PPM1G: variants seen among roughly 807,000 people sequenced by gnomAD.
PPM1G encodes protein phosphatase, Mg2+/Mn2+ dependent 1G.
In PPM1G, 12 loss-of-function variants were observed where a neutral mutation model predicts 59.4. That is an observed-to-expected ratio of 0.20 (90% CI 0.13 to 0.33). The LOEUF is 0.33. PPM1G is among the 10% of genes least tolerant of loss of function. PPM1G has a pLI of 1.00. For synonymous variants in PPM1G, 245 were observed against 251.9 expected, an observed-to-expected ratio of 0.97 and a Z score of 0.26; for missense variants, 392 against 681.3, an observed-to-expected ratio of 0.58 and a Z score of 4.73.
chr2:27,396,670 C>T (rs1024568851), intron 1 of PPM1G, among the ~76,000 whole-genome samples: 2 of 151,822 alleles, frequency 1.3e-5, no homozygotes, highest in Admixed American at 1.3e-4. Context: ...CAAAAATTAA[C>T]TGGGCATGGT....
At chr2:27,388,792 G>A (rs781661104) in intron 1 of PPM1G, among the ~76,000 whole-genome samples, 4 of 150,992 alleles carry the variant, frequency 2.6e-5, no homozygotes, top group South Asian at 2.1e-4. Flanking sequence ...GGAGAATGGC[G>A]TGAACCCAGG....
At chr2:27,395,712 G>A (rs1224632079) in intron 1 of PPM1G, among the ~76,000 whole-genome samples, 2 of 151,836 alleles carry the variant, frequency 1.3e-5, no homozygotes, top group Non-Finnish European at 2.9e-5. Flanking sequence ...ACAAGTGGTG[G>A]TGCACACCTG....
At chr2:27,395,082 T>A (rs2148423760) in intron 1 of PPM1G, among the ~76,000 whole-genome samples, 1 of 150,994 alleles carries the variant, frequency 6.6e-6, no homozygotes, top group South Asian at 2.1e-4. Context: ...ATACAAAAAA[T>A]TAGCTGGGCG....
In PPM1G at chr2:27,382,686, A is replaced by C; in HGVS notation, c.1202-81T>G. ...TGTGGCAGGTCAAACCTTGCCATTC[A>C]TTTCCCTTCTTTACAAAGTTCCATA... On this transcript the variant is annotated intron_variant, in intron 7 of 9. Coordinates refer to ENST00000344034, the MANE Select transcript of PPM1G (RefSeq NM_177983.3). This position sits in a 1 kb window ranked among gnomAD's most constrained non-coding sequence, Gnocchi z 4.2. 6.5e-7 allele frequency: 1 copy of C among 1,538,846 alleles called. No individual in the cohort carries two copies. Among genetic ancestry groups the C allele is most frequent in the Non-Finnish European group, 8.9e-7 (1 of 1,123,114 alleles).
At chr2:27,390,789 T>C (rs1683881270) in intron 1 of PPM1G, among the ~76,000 whole-genome samples, 1 of 152,182 alleles carries the variant, frequency 6.6e-6, no homozygotes, top group Non-Finnish European at 1.5e-5. Flanking sequence ...TAGGTAGTTT[T>C]TCAGCTGTTC....
chr2:27,388,592 G>T (rs1318338853), intron 1 of PPM1G, among the ~76,000 whole-genome samples: 1 of 151,974 alleles, frequency 6.6e-6, no homozygotes, highest in East Asian at 1.9e-4. Context: ...ATCTACATGT[G>T]AGGACGGCCA....
chr2:27,393,553 G>A (rs1290425502), intron 1 of PPM1G, among the ~76,000 whole-genome samples: 1 of 152,122 alleles, frequency 6.6e-6, no homozygotes, highest in Non-Finnish European at 1.5e-5. Flanking sequence ...AGGAAACCCC[G>A]ACCACTCTCG....
At chr2:27,408,547 T>C (rs1435757222) in intron 1 of PPM1G, among the ~76,000 whole-genome samples, 2 of 152,152 alleles carry the variant, frequency 1.3e-5, no homozygotes, top group African/African-American at 4.8e-5. Context: ...TGAAAAAAAT[T>C]GATGAAATGA....
Position 27,383,712 on chromosome 2 carries a change from T to C in PPM1G, c.967-112A>G. 2 of 1,216,388 alleles carry C rather than the reference T, an allele frequency of 1.6e-6. No homozygotes were observed. The allele number at this position is 1,216,388 out of a possible 1,614,324, so 75.3% of individuals were successfully genotyped here. On this transcript the variant is annotated intron_variant, in intron 6 of 9. Transcript: ENST00000344034. The surrounding 1 kb of genome is among the most constrained non-coding windows in gnomAD (Gnocchi z 5.0). Reference sequence around the variant, plus strand: ...TTCACTGGGACCCCCAAAAGAGCTTTAACAAACAGGAGAAGCACACATTTC... The same window carrying C: ...TTCACTGGGACCCCCAAAAGAGCTTCAACAAACAGGAGAAGCACACATTTC...
At chr2:27,393,645 C>T (rs1482541344) in intron 1 of PPM1G, among the ~76,000 whole-genome samples, 2 of 152,244 alleles carry the variant, frequency 1.3e-5, no homozygotes, top group South Asian at 2.1e-4. Flanking sequence ...AGTGCAGTGG[C>T]GCAATCTTGG....
At chr2:27,390,323 C>T (rs1683869219) in intron 1 of PPM1G, among the ~76,000 whole-genome samples, 1 of 152,196 alleles carries the variant, frequency 6.6e-6, no homozygotes, top group Non-Finnish European at 1.5e-5. Flanking sequence ...ACTGGCCAAA[C>T]ACAGAAATTA....
intron 1 of PPM1G, among the ~76,000 whole-genome samples, chr2:27,406,681 A>G (rs1466273443): frequency 6.6e-6 from 1 of 152,194 alleles, no homozygotes; most frequent in Non-Finnish European, 1.5e-5. Context: ...AGAAGCAGCA[A>G]ATAGTATGGA....
intron 1 of PPM1G, among the ~76,000 whole-genome samples, chr2:27,389,977 A>AC (rs1353725926): frequency 1.7e-4 from 26 of 152,236 alleles, no homozygotes; most frequent in African/African-American, 6.0e-4. Flanking sequence ...CTAAAACAAA[A>AC]CAAAGTTATA....
At chr2:27,386,094 C>A in intron 3 of PPM1G, 100 bp downstream of exon 3, 2 of 1,268,140 alleles carry the variant, frequency 1.6e-6, no homozygotes, top group Non-Finnish European at 2.2e-6. Context: ...AGTAAATAAG[C>A]AGCAGCAGCT....
Position 27,395,247 on chromosome 2 carries a change from A to AAAAG in PPM1G, c.121-8093_121-8090dup, listed in dbSNP as rs754734357. Among the ~76,000 whole-genome samples the AAAAG allele has an allele frequency of 1.3e-3, 180 of 140,162 alleles. 3 individuals are homozygous for AAAAG. The highest frequency in any genetic ancestry group is 1.5e-3 in the Non-Finnish European group (102 of 66,250). The allele number at this position is 140,162 out of a possible 152,430, so 92.0% of individuals were successfully genotyped here. Reference sequence around the variant, plus strand: ...AGACTCTGTCTCAAAAAAAAAAAAAAAAAGAAAGAAAGAAAGAAAGAAAAA... The same window carrying AAAAG: ...AGACTCTGTCTCAAAAAAAAAAAAAAAAAGAAAGAAAGAAAGAAAGAAAGAAAAA... On this transcript the variant is annotated intron_variant, in intron 1 of 9. Coordinates refer to ENST00000344034, the MANE Select transcript of PPM1G (RefSeq NM_177983.3).
intron 1 of PPM1G, among the ~76,000 whole-genome samples, chr2:27,389,340 G>A (rs2148420601): frequency 6.6e-6 from 1 of 151,914 alleles, no homozygotes; most frequent in East Asian, 1.9e-4. Context: ...TCTCAAAGAG[G>A]ACCACCCACA....
chr2:27,391,098 GA>G (rs1683889609), intron 1 of PPM1G, among the ~76,000 whole-genome samples: 1 of 152,060 alleles, frequency 6.6e-6, no homozygotes, highest in African/African-American at 2.4e-5. Flanking sequence ...ATGGGCACAT[GA>G]GTTGATTCAA....
Position 27,384,602 on chromosome 2 carries a change from A to G in PPM1G, c.825+71T>C. Reference sequence around the variant, plus strand: ...AAAATAGGAGAAGGAAAGAGAGTTGAAAACTACAGACGGCAACCAAACAGG... The same window carrying G: ...AAAATAGGAGAAGGAAAGAGAGTTGGAAACTACAGACGGCAACCAAACAGG... On this transcript the variant is annotated intron_variant, in intron 5 of 9. Transcript: ENST00000344034. This position sits in a 1 kb window ranked among gnomAD's most constrained non-coding sequence, Gnocchi z 4.8. The G allele has an allele frequency of 2.0e-6, 3 of 1,505,672 alleles. No homozygotes were observed. Among genetic ancestry groups the G allele is most frequent in the Non-Finnish European group, 2.7e-6 (3 of 1,122,650 alleles). The allele number at this position is 1,505,672 out of a possible 1,614,324, so 93.3% of individuals were successfully genotyped here.
rs145235531 is a variant in PPM1G at position 27,389,518 on chromosome 2, CCCA to C, written c.121-2363_121-2361del. Among the ~76,000 whole-genome samples the C allele has an allele frequency of 9.0e-3, 1,375 of 152,254 alleles. 24 individuals are homozygous for C. Among genetic ancestry groups the C allele is most frequent in the African/African-American group, 0.032 (1,315 of 41,518 alleles). ...TTTACATGTCTGCTCATAACCTTTA[CCCA>C]CACCTTTGCTTCTCTCTATCCCTTA... On this transcript the variant is annotated intron_variant, in intron 1 of 9. Coordinates refer to ENST00000344034, the MANE Select transcript of PPM1G (RefSeq NM_177983.3).
Sources: allele counts gnomAD v4.1 joint callset (sites outside exome capture counted in the v4.1 genomes callset), GRCh38; gene constraint gnomAD v4.1.1; non-coding constraint Gnocchi (gnomAD v3.1); transcripts MANE v1.5; gene names NCBI Gene and HGNC (gene_info 2026-07-23, HGNC 2026-07-21).